Variants in ZNF737 observed in about 807,000 individuals in gnomAD.
ZNF737 encodes the protein zinc finger protein 737, also known as zinc finger protein 102 (Y3).
A neutral mutation model predicts 11.7 loss-of-function variants in ZNF737; 13 were observed. That is an observed-to-expected ratio of 1.11 (90% CI 0.73 to 1.77). The LOEUF (loss-of-function observed/expected upper bound fraction) is 1.77. Among genes scored for constraint, ZNF737 ranks in the 40% most tolerant of loss-of-function variants. ZNF737 has a pLI of 0.00. For missense variants in ZNF737, 636 were observed against 638.0 expected (o/e 1.00, Z 0.03); for synonymous variants, 217 against 216.2 (o/e 1.00, Z -0.03).
rs150328737 is a variant in ZNF737, at chr19:20,552,758, A to G, written c.131-188T>C. ...GCCAGGTGCAGTTACTCACGCCTGT[A>G]ATCCCAGCACTTTGGGAGGCCAAGG... On this transcript the variant is annotated intron_variant, in intron 2 of 3. Coordinates refer to ENST00000427401, the MANE Select transcript of ZNF737 (RefSeq NM_001159293.2). 3.5e-3 allele frequency among the ~76,000 whole-genome samples: 536 copies of G among 152,312 alleles called. 2 individuals carry two copies. The highest frequency in any genetic ancestry group is 0.017 in the East Asian group (88 of 5,184).
At chr19:20,561,732 G>C (rs556341038) in intron 1 of ZNF737, among the ~76,000 whole-genome samples, 2 of 149,302 alleles carry the variant, frequency 1.3e-5, no homozygotes, top group African/African-American at 4.9e-5. Flanking sequence ...CCCTGATTCA[G>C]GGCTCAGTCC....
Position 20,542,624 on chromosome 19 carries a change from C to A in ZNF737, c.*1968G>T. 1 of 973,298 alleles carries A rather than the reference C, an allele frequency of 1.0e-6. No individual in the cohort carries two copies. The highest frequency in any genetic ancestry group is 1.2e-6 in the Non-Finnish European group (1 of 819,066). The allele number at this position is 973,298 out of a possible 1,614,324, so 60.3% of individuals were successfully genotyped here. A position where few individuals can be genotyped will look rare whatever the true frequency, so the allele number is the denominator to read the frequency against. On this transcript the variant is annotated 3_prime_UTR_variant, in exon 4 of 4. Coordinates refer to ENST00000427401, the MANE Select transcript of ZNF737 (RefSeq NM_001159293.2). The stretch of plus-strand genomic sequence containing the variant: ...TATTTTAATATACTTTTAATTATTT[C>A]TTTGTGTCACTATAATAAAGTATTG...
rs1177442544 is a variant in ZNF737 at position 20,539,571 on chromosome 19, ACTAT to A, written c.*5017_*5020del. Reference sequence around the variant, plus strand: ...CCTTGGTCATGTGAATCTAAAAGAAACTATCTACATAACTAATCATGGATTCAAA... The same window carrying A: ...CCTTGGTCATGTGAATCTAAAAGAAACTACATAACTAATCATGGATTCAAA... On this transcript the variant is annotated 3_prime_UTR_variant, in exon 4 of 4. Transcript: ENST00000427401. 4.1e-6 allele frequency: 4 copies of A among 981,872 alleles called. No individual in the cohort carries two copies. The African/African-American group carries it at 5.2e-5, about 13-fold the overall frequency. The allele number at this position is 981,872 out of a possible 1,614,324, so 60.8% of individuals were successfully genotyped here. A position where few individuals can be genotyped will look rare whatever the true frequency, so the allele number is the denominator to read the frequency against.
intron 1 of ZNF737, among the ~76,000 whole-genome samples, chr19:20,560,728 C>T (rs1261848287): frequency 3.3e-5 from 5 of 151,070 alleles, no homozygotes; most frequent in South Asian, 2.1e-4. Context: ...TGTGGTGAGC[C>T]GAGATCACAC....
intron 1 of ZNF737, among the ~76,000 whole-genome samples, chr19:20,564,650 C>A (rs1261032361): frequency 3.9e-4 from 53 of 136,544 alleles, no homozygotes; most frequent in Non-Finnish European, 3.9e-4. Context: ...GACTCCGTCT[C>A]AAAAAAAAAA....
downstream of ZNF737, among the ~76,000 whole-genome samples, chr19:20,531,151 A>G (rs1967815862): frequency 6.9e-6 from 1 of 144,236 alleles, no homozygotes; most frequent in South Asian, 2.3e-4. Flanking sequence ...TCAGGCAGGG[A>G]GGTTGCAGTG....
In ZNF737 at chr19:20,544,128, CA is replaced by C. The variant is rs377259342; in HGVS notation, c.*463del. 10,537 of 686,506 alleles carry C rather than the reference CA, an allele frequency of 0.015. 11 individuals carry two copies. The highest frequency in any genetic ancestry group is 0.026 in the African/African-American group (1,323 of 50,314). 42.5% of individuals were successfully genotyped at this position (686,506 alleles called of 1,614,324 possible). On this transcript the variant is annotated 3_prime_UTR_variant, in exon 4 of 4. Coordinates refer to ENST00000427401, the MANE Select transcript of ZNF737 (RefSeq NM_001159293.2). ...GGATGACAAGCATGAAACTTCATCT[CA>C]AAAAAAAAAATATTGAAAACTTGTT...
chr19:20,538,099 A>C lies in ZNF737; in HGVS notation c.*6493T>G. The C allele has an allele frequency of 1.1e-6, 1 of 950,958 alleles. No individual in the cohort carries two copies. The highest frequency in any genetic ancestry group is 1.8e-5 in the African/African-American group (1 of 56,700). 58.9% of individuals were successfully genotyped at this position (950,958 alleles called of 1,614,324 possible). Reference sequence around the variant, plus strand: ...GTTCACAGTGTAAAAAGTGAAGTAGAGGTTCCTCTTCAAAGACTTTTCTAC... The same window carrying C: ...GTTCACAGTGTAAAAAGTGAAGTAGCGGTTCCTCTTCAAAGACTTTTCTAC... On this transcript the variant is annotated 3_prime_UTR_variant, in exon 4 of 4. Transcript: ENST00000427401.
intron 3 of ZNF737, among the ~76,000 whole-genome samples, chr19:20,549,372 G>A (rs540150001): frequency 6.6e-6 from 1 of 152,248 alleles, no homozygotes; most frequent in South Asian, 2.1e-4. Flanking sequence ...GGTCACATCT[G>A]TAATCCCAGC....
chr19:20,562,300 A>G (rs1969125991), intron 1 of ZNF737, among the ~76,000 whole-genome samples: 1 of 150,460 alleles, frequency 6.6e-6, no homozygotes, highest in African/African-American at 2.4e-5. Context: ...CACCCTCCCA[A>G]GTAGCTGGGA....
chr19:20,536,523 T>TA (rs1385231216), downstream of ZNF737, among the ~76,000 whole-genome samples: 12 of 152,066 alleles, frequency 7.9e-5, no homozygotes, highest in African/African-American at 2.9e-4. Context: ...ACTTTAACAA[T>TA]AAACAGGTCA....
At chr19:20,557,416 A>G (rs376352433) in intron 1 of ZNF737, among the ~76,000 whole-genome samples, 6 of 150,750 alleles carry the variant, frequency 4.0e-5, no homozygotes, top group African/African-American at 1.5e-4. Flanking sequence ...GCTCAGGGTG[A>G]GGACCCTATG....
rs1968268712 is a variant in ZNF737, at chr19:20,542,776, AAAT to A, written c.*1813_*1815del. ...TTTTATAGAAAAAGTCATAATGTCC[AAAT>A]AATGTAAAAAAATCGAATATCTCTG... On this transcript the variant is annotated 3_prime_UTR_variant, in exon 4 of 4. Coordinates refer to ENST00000427401, the MANE Select transcript of ZNF737 (RefSeq NM_001159293.2). 1.9e-5 allele frequency: 19 copies of A among 985,088 alleles called. No homozygotes were observed. The highest frequency in any genetic ancestry group is 2.3e-5 in the Non-Finnish European group (19 of 829,792). 61.0% of individuals were successfully genotyped at this position (985,088 alleles called of 1,614,324 possible). A position where few individuals can be genotyped will look rare whatever the true frequency, so the allele number is the denominator to read the frequency against.
chr19:20,549,326 A>T (rs1315908561), intron 3 of ZNF737, among the ~76,000 whole-genome samples: 1 of 152,096 alleles, frequency 6.6e-6, no homozygotes, highest in African/African-American at 2.4e-5. Flanking sequence ...CCAATAAACT[A>T]ATCTTAAGAA....
chr19:20,533,621 G>A (rs1310588694), downstream of ZNF737, among the ~76,000 whole-genome samples: 4 of 150,112 alleles, frequency 2.7e-5, 1 homozygote, highest in African/African-American at 4.9e-5. Flanking sequence ...GCCATACAAT[G>A]TTGTTTATAG....
At chr19:20,530,636 C>T in the ZNF737 span, among the ~76,000 whole-genome samples, 7 of 147,690 alleles carry the variant, frequency 4.7e-5, no homozygotes, top group Admixed American at 6.7e-5. Flanking sequence ...GACGGGGCGG[C>T]GGGGCAGAGG....
At chr19:20,564,354 T>C (rs1555763247) in intron 1 of ZNF737, among the ~76,000 whole-genome samples, 2 of 152,224 alleles carry the variant, frequency 1.3e-5, no homozygotes, top group African/African-American at 4.8e-5. Flanking sequence ...CGAATCTATG[T>C]AACTCATCAA....
chr19:20,533,010 G>T (rs1431603630), downstream of ZNF737, among the ~76,000 whole-genome samples: 1 of 150,138 alleles, frequency 6.7e-6, no homozygotes, highest in East Asian at 2.0e-4. Flanking sequence ...TTCTTGTCTT[G>T]ATGAAAGTTC....
chr19:20,537,995 G>A lies in ZNF737; in HGVS notation c.*6597C>T. The A allele has an allele frequency of 1.1e-6, 1 of 930,858 alleles. No individual in the cohort carries two copies. Among genetic ancestry groups the A allele is most frequent in the Non-Finnish European group, 1.3e-6 (1 of 780,362 alleles). The allele number at this position is 930,858 out of a possible 1,614,324, so 57.7% of individuals were successfully genotyped here. On this transcript the variant is annotated 3_prime_UTR_variant, in exon 4 of 4. Transcript: ENST00000427401. ...TAAAAGCTTTTCTGAGGCAGAGTAAGATTTATAACATTTTATTATCATATG... is the reference window on the plus strand; with the variant it reads ...TAAAAGCTTTTCTGAGGCAGAGTAAAATTTATAACATTTTATTATCATATG...
Sources: gnomAD v4.1 joint callset for allele counts (sites outside exome capture counted in the v4.1 genomes callset) on GRCh38, gnomAD v4.1.1 for gene constraint, MANE v1.5 for transcripts, NCBI Gene and HGNC (gene_info 2026-07-23, HGNC 2026-07-21) for gene names.